The following TAF5 variants were observed in gnomAD, a reference collection of about 807,000 sequenced individuals.
TAF5 encodes transcription initiation factor TFIID subunit 5.
TAF5 carries 20 observed loss-of-function variants against 80.9 expected under a neutral mutation model. That is an observed-to-expected ratio of 0.25 (90% CI 0.17 to 0.36). The LOEUF (loss-of-function observed/expected upper bound fraction) is 0.36, where lower values mean the gene tolerates loss of function less well. TAF5 is among the 10% of genes least tolerant of loss of function. The probability of loss-of-function intolerance (pLI) is 1.00; values close to 1 mark genes in which losing one functional copy is unlikely to be tolerated. For synonymous variants in TAF5, 388 were observed against 406.4 expected (o/e 0.95, Z 0.55); for missense variants, 863 against 1,029.4 (o/e 0.84, Z 2.21).
chr10:103,368,692 AG>A, intron 1 of TAF5, 144 bp downstream of exon 1: 1 of 1,164,996 alleles, frequency 8.6e-7, no homozygotes, highest in Non-Finnish European at 1.1e-6. Context: ...CCCTTTCTCT[AG>A]TGCGCGGGCT....
chr10:103,385,690 C>T (rs974823634), intron 8 of TAF5, among the ~76,000 whole-genome samples, 200 bp downstream of exon 8: 1 of 151,670 alleles, frequency 6.6e-6, no homozygotes, highest in Non-Finnish European at 1.5e-5. Flanking sequence ...TTTGGGAGGC[C>T]GAGGTGGATG....
intron 8 of TAF5, among the ~76,000 whole-genome samples, chr10:103,386,325 C>T (rs1269427750): frequency 2.0e-5 from 3 of 151,932 alleles, no homozygotes; most frequent in East Asian, 1.9e-4. Flanking sequence ...TGCCTGTAGT[C>T]CCAGCTACTC....
chr10:103,380,381 G>A (rs1354698264), intron 5 of TAF5, among the ~76,000 whole-genome samples: 1 of 152,162 alleles, frequency 6.6e-6, no homozygotes, highest in African/African-American at 2.4e-5. Context: ...GCCTGCCTCA[G>A]CCTCCCAAAG....
In TAF5 at chr10:103,368,013, G is replaced by C; in HGVS notation, c.24G>C (p.Gln8His). Residue 8 changes from glutamine to histidine, a missense_variant, in exon 1 of 11, where the codon CAG becomes CAC. By Grantham distance (24) the Gln-to-His change is conservative (BLOSUM62 0). Around this residue, in one of 3 missense-constraint regions of TAF5, gnomAD observed 367 missense variants for 335.5 expected, o/e 1.09. Coordinates refer to ENST00000369839, the MANE Select transcript of TAF5 (RefSeq NM_006951.5). MAALAEEQTEVAVKLEPE... is the reference protein window; with the variant it reads MAALAEEHTEVAVKLEPE... ...AGATGGCGGCGCTGGCGGAGGAGCA[G>C]ACGGAGGTGGCGGTCAAGCTAGAGC... The C allele has an allele frequency of 2.0e-6, 3 of 1,464,622 alleles. No homozygotes were observed. The highest frequency in any genetic ancestry group is 2.7e-6 in the Non-Finnish European group (3 of 1,114,720). The allele number at this position is 1,464,622 out of a possible 1,614,324, so 90.7% of individuals were successfully genotyped here. A position where few individuals can be genotyped will look rare whatever the true frequency, so the allele number is the denominator to read the frequency against.
In TAF5 at chr10:103,378,844, G is replaced by C. The variant is rs1024551615; in HGVS notation, c.1113+294G>C. Among the ~76,000 whole-genome samples the C allele has an allele frequency of 3.3e-5, 5 of 152,146 alleles. No individual in the cohort carries two copies. Among genetic ancestry groups the C allele is most frequent in the Non-Finnish European group, 7.3e-5 (5 of 68,042 alleles). ...GCTAATTTTTGTATTTACTTTAGTA[G>C]AGACAGGGTTTCACCATGTTGGCCA... On this transcript the variant is annotated intron_variant, in intron 3 of 10. Coordinates refer to ENST00000369839, the MANE Select transcript of TAF5 (RefSeq NM_006951.5). This position sits in a 1 kb window ranked among gnomAD's most constrained non-coding sequence, Gnocchi z 4.1.
Position 103,379,898 on chromosome 10 carries a change from A to G in TAF5, c.1292A>G (p.Glu431Gly). The stretch of plus-strand genomic sequence containing the variant: ...TTCTTTCACAGAATCCCTCTTCCTG[A>G]GTTGAAAGATTCAGATAAGTTGGAT... ...APPQNRIPLP[E>G]LKDSDKLDKI... Residue 431 changes from glutamate to glycine, a missense_variant, in exon 5 of 11, where the codon GAG becomes GGG. Around this residue, in one of 3 missense-constraint regions of TAF5, gnomAD observed 368 missense variants for 461.7 expected, o/e 0.80. Coordinates refer to ENST00000369839, the MANE Select transcript of TAF5 (RefSeq NM_006951.5). 6.2e-7 allele frequency: 1 copy of G among 1,611,082 alleles called. No homozygotes were observed. The highest frequency in any genetic ancestry group is 8.5e-7 in the Non-Finnish European group (1 of 1,179,316).
intron 1 of TAF5, among the ~76,000 whole-genome samples, chr10:103,370,036 A>G (rs1329797974): frequency 1.3e-5 from 2 of 151,542 alleles, no homozygotes; most frequent in East Asian, 2.0e-4. Context: ...GTTTGAGACC[A>G]GGCTGGCCGA....
Position 103,368,321 on chromosome 10 carries a change from A to G in TAF5, c.332A>G (p.Glu111Gly), listed in dbSNP as rs2093350185. 9 of 1,582,782 alleles carry G rather than the reference A, an allele frequency of 5.7e-6. No individual in the cohort carries two copies. The highest frequency in any genetic ancestry group is 3.5e-4 in the Middle Eastern group (2 of 5,764). ...TTCCTACGGCAGAGCAAACTCCGCG[A>G]GGCCGAAGAGGCGCTGCGCCGTGAG... is the stretch of plus-strand genomic sequence containing the variant. ...LQFLRQSKLR[E>G]AEEALRREAG... The change falls in exon 1 of 11, where the codon GAG (glutamate) becomes GGG (glycine). Residue 111 changes from glutamate (E) to glycine (G), a missense_variant. Around this residue, in one of 3 missense-constraint regions of TAF5, gnomAD observed 367 missense variants for 335.5 expected, o/e 1.09. Transcript: ENST00000369839.
chr10:103,388,219 A>G lies in TAF5; in HGVS notation c.2399A>G (p.Gln800Arg), dbSNP rs2093402504. 1.9e-6 allele frequency: 3 copies of G among 1,612,126 alleles called. No individual in the cohort carries two copies. Among genetic ancestry groups the G allele is most frequent in the Admixed American group, 1.7e-5 (1 of 59,654 alleles). Residue 800 changes from glutamine to arginine, a missense_variant, in exon 11 of 11, where the codon CAA (glutamine) becomes CGA (arginine). Gln to Arg is a conservative substitution (Grantham distance 43). This residue lies in a region of TAF5 where 368 missense variants were observed against 461.7 expected (regional missense o/e 0.80). Transcript: ENST00000369839. Reference sequence around the variant, plus strand: ...CTAGCTGCAGGAGCTTATAGTCCACAATAAACCATCGGTATTAAAGACCTT... The same window carrying G: ...CTAGCTGCAGGAGCTTATAGTCCACGATAAACCATCGGTATTAAAGACCTT... ...LVLAAGAYSP[Q>R]
chr10:103,371,306 A>C (rs1348315455), intron 1 of TAF5, among the ~76,000 whole-genome samples: 3 of 152,138 alleles, frequency 2.0e-5, no homozygotes, highest in Non-Finnish European at 1.5e-5. Flanking sequence ...AATGAACTAT[A>C]AGATGAATTA....
At chr10:103,386,853 C>T (rs536686083) in intron 8 of TAF5, among the ~76,000 whole-genome samples, 19 of 151,948 alleles carry the variant, frequency 1.3e-4, no homozygotes, top group East Asian at 3.9e-4. Context: ...TTAGTAAAGA[C>T]GGTGTTTCAC....
At chr10:103,386,416 G>C (rs1052633586) in intron 8 of TAF5, among the ~76,000 whole-genome samples, 13 of 152,188 alleles carry the variant, frequency 8.5e-5, no homozygotes, top group Non-Finnish European at 1.9e-4. Context: ...TTCTAGCCTG[G>C]ATGACAGAGT....
At chr10:103,379,327 A>AT (rs1295294210) in intron 3 of TAF5, among the ~76,000 whole-genome samples, 2 of 152,156 alleles carry the variant, frequency 1.3e-5, no homozygotes, top group Non-Finnish European at 1.5e-5. Context: ...GGAAAACAAT[A>AT]TTTTTTTGAT....
At position 103,378,669 on chromosome 10, in the gene TAF5, T is replaced by G; in HGVS notation, c.1113+119T>G. 1 of 1,223,660 alleles carries G rather than the reference T, an allele frequency of 8.2e-7. No homozygotes were observed. Among genetic ancestry groups the G allele is most frequent in the African/African-American group, 1.5e-5 (1 of 65,892 alleles). 75.8% of individuals were successfully genotyped at this position (1,223,660 alleles called of 1,614,324 possible). ...TTGGAAACAATTTTTTTCGTTTGTT[T>G]GTTTTGAGACGGAGTTTTGCTCTTG... On this transcript the variant is annotated intron_variant, in intron 3 of 10. Coordinates refer to ENST00000369839, the MANE Select transcript of TAF5 (RefSeq NM_006951.5). This position sits in a 1 kb window ranked among gnomAD's most constrained non-coding sequence, Gnocchi z 4.1.
Position 103,378,227 on chromosome 10 carries a change from T to C in TAF5, c.798-8T>C. 6.2e-7 allele frequency: 1 copy of C among 1,606,672 alleles called. No individual in the cohort carries two copies. Among genetic ancestry groups the C allele is most frequent in the Non-Finnish European group, 8.5e-7 (1 of 1,175,462 alleles). ...TTGAAAAATGACTTTTTAAAATCAC[T>C]GAAACAGGTTCCATGGAGATCAGGA... On this transcript the variant is annotated splice_region_variant and splice_polypyrimidine_tract_variant and intron_variant, in intron 2 of 10. Transcript: ENST00000369839. This position sits in a 1 kb window ranked among gnomAD's most constrained non-coding sequence, Gnocchi z 4.1.
At chr10:103,369,345 A>AT (rs2093353704) in intron 1 of TAF5, among the ~76,000 whole-genome samples, 3 of 10,006 alleles carry the variant, frequency 3.0e-4, no homozygotes, top group Non-Finnish European at 1.6e-3. Flanking sequence ...CTAAAAGTTG[A>AT]ATTTTTTTTC....
intron 8 of TAF5, 91 bp from the exon 9 acceptor site, chr10:103,387,084 T>TG: frequency 7.6e-7 from 1 of 1,309,202 alleles, no homozygotes; most frequent in South Asian, 1.6e-5. Flanking sequence ...ACTTTTTATG[T>TG]GGATGTTTCT....
Position 103,383,349 on chromosome 10 carries a change from C to T in TAF5, c.1646C>T (p.Ala549Val). The T allele has an allele frequency of 6.3e-7, 1 of 1,596,052 alleles. No homozygotes were observed. The highest frequency in any genetic ancestry group is 2.3e-5 in the East Asian group (1 of 44,346). Residue 549 changes from alanine (A) to valine (V), a missense_variant, in exon 7 of 11, where the codon GCC becomes GTC. Transcript: ENST00000369839. ...GGTCACAGTGGGCCTGTCTACGGAG[C>T]CAGCTTCAGTCCGGATAGGTAAAAT... The part of the protein sequence containing the change: ...LYGHSGPVYG[A>V]SFSPDRNYLL...
In TAF5 at chr10:103,383,315, A is replaced by C. The variant is rs766096431; in HGVS notation, c.1612A>C (p.Ile538Leu). The change falls in exon 7 of 11, where the codon ATT becomes CTT. Residue 538 changes from isoleucine (I) to leucine (L), a missense_variant. By Grantham distance (5) the Ile-to-Leu change is conservative (BLOSUM62 2). Coordinates refer to ENST00000369839, the MANE Select transcript of TAF5 (RefSeq NM_006951.5). The part of the protein sequence containing the change: ...MDEKTASELK[I>L]LYGHSGPVYG... ...TGAGAAAACAGCAAGTGAGTTGAAGATTTTGTATGGTCACAGTGGGCCTGT... is the reference window on the plus strand; with the variant it reads ...TGAGAAAACAGCAAGTGAGTTGAAGCTTTTGTATGGTCACAGTGGGCCTGT... The C allele has an allele frequency of 6.2e-6, 10 of 1,608,344 alleles. No homozygotes were observed. Among genetic ancestry groups the C allele is most frequent in the Non-Finnish European group, 6.8e-6 (8 of 1,178,482 alleles).
Sources: allele counts gnomAD v4.1 joint callset (sites outside exome capture counted in the v4.1 genomes callset), GRCh38; gene constraint gnomAD v4.1.1; regional missense constraint gnomAD v4.1.1; non-coding constraint Gnocchi (gnomAD v3.1); transcripts MANE v1.5; gene names NCBI Gene and HGNC (gene_info 2026-07-23, HGNC 2026-07-21).